Variants in XDH observed in about 807,000 individuals in gnomAD.
The protein encoded by XDH is xanthine dehydrogenase/oxidase.
Under a neutral mutation model 156.1 loss-of-function variants are expected in XDH, and 138 were observed. The observed-to-expected ratio is 0.88, with a 90% CI of 0.77 to 1.02. The LOEUF (loss-of-function observed/expected upper bound fraction) is 1.02. Among genes scored for constraint, XDH ranks in the 50% least tolerant of loss-of-function variants. The pLI is 0.00. For synonymous variants in XDH, 669 were observed against 625.7 expected (o/e 1.07, Z -1.03); for missense variants, 1,849 against 1,684.9 (o/e 1.10, Z -1.71).
chr2:31,346,886 G>T (rs1260206839), intron 29 of XDH, 43 bp from the exon 30 acceptor site: 3 of 1,612,422 alleles, frequency 1.9e-6, no homozygotes, highest in African/African-American at 1.3e-5. Context: ...TCAGTCCTCT[G>T]CATTCTGTAG....
chr2:31,339,672 T>C lies in XDH; in HGVS notation c.3591A>G (p.Glu1197=). 6.2e-7 allele frequency: 1 copy of C among 1,614,086 alleles called. No homozygotes were observed. The highest frequency in any genetic ancestry group is 8.5e-7 in the Non-Finnish European group (1 of 1,179,998). ...GGCCAAGGCCCTGGACAAATGCCCC[T>C]TCCACCTGCAGGATGGATGGAGAGC... The part of the protein sequence containing the change: ...LNPAIDIGQV[E]GAFVQGLGLF... The change falls in exon 34 of 36, where the codon GAA becomes GAG. Residue 1197 remains glutamate (E), a synonymous_variant. Coordinates refer to ENST00000379416, the MANE Select transcript of XDH (RefSeq NM_000379.4).
At chr2:31,414,589 G>A (rs568529805) in intron 1 of XDH, 36 bp downstream of exon 1, 46 of 1,613,790 alleles carry the variant, frequency 2.9e-5, no homozygotes, top group Non-Finnish European at 3.6e-5. Flanking sequence ...CTCCCAGGGA[G>A]AAGGGACACA....
rs1001452605 is a variant in XDH at position 31,345,323 on chromosome 2, G to A, written c.3352-587C>T. On this transcript the variant is annotated intron_variant, in intron 30 of 35. Coordinates refer to ENST00000379416, the MANE Select transcript of XDH (RefSeq NM_000379.4). ...CATTATAAAAGCAACACGCTATAGC[G>A]CTCATGTGGTACTTCACATGTTCAC... Among the ~76,000 whole-genome samples the A allele has an allele frequency of 5.3e-5, 8 of 152,062 alleles. No individual in the cohort carries two copies. The East Asian group carries it at 5.8e-4, about 11-fold the overall frequency.
chr2:31,347,782 T>C (rs1685342164), intron 28 of XDH, 132 bp from the exon 29 acceptor site: 2 of 1,237,940 alleles, frequency 1.6e-6, no homozygotes, highest in South Asian at 1.5e-5. Flanking sequence ...TCTCATTGTC[T>C]GGGATGTCCT....
intron 15 of XDH, among the ~76,000 whole-genome samples, chr2:31,374,858 T>C (rs1686183443): frequency 6.6e-6 from 1 of 151,390 alleles, no homozygotes; most frequent in Non-Finnish European, 1.5e-5. Flanking sequence ...TCTCAGGAGC[T>C]GGGCCCACCT....
At chr2:31,402,643 T>C (rs1033987236) in intron 3 of XDH, among the ~76,000 whole-genome samples, 15 of 152,116 alleles carry the variant, frequency 9.9e-5, no homozygotes, top group Non-Finnish European at 2.1e-4. Context: ...GCCTGTGTCA[T>C]TGGTATTTCA....
At chr2:31,369,089 G>A (rs755277776) in intron 18 of XDH, among the ~76,000 whole-genome samples, 9 of 152,108 alleles carry the variant, frequency 5.9e-5, no homozygotes, top group Non-Finnish European at 1.3e-4. Flanking sequence ...CTTAGGCCCT[G>A]ACCCCCAGTT....
intron 24 of XDH, among the ~76,000 whole-genome samples, chr2:31,361,954 T>A (rs1462421618): frequency 2.0e-5 from 3 of 152,192 alleles, no homozygotes; most frequent in African/African-American, 7.2e-5. Context: ...CTTGCAAATA[T>A]TCATGAAAGA....
intron 1 of XDH, among the ~76,000 whole-genome samples, chr2:31,408,706 C>A (rs922767528): frequency 6.6e-6 from 1 of 152,128 alleles, no homozygotes; most frequent in Non-Finnish European, 1.5e-5. Context: ...TTAGTACAGC[C>A]ACTATGGAGA....
At chr2:31,390,968 G>A (rs537751211) in intron 6 of XDH, among the ~76,000 whole-genome samples, 129 of 152,154 alleles carry the variant, frequency 8.5e-4, no homozygotes, top group African/African-American at 3.0e-3. Context: ...CTCATTCATC[G>A]TTATTAAATT....
At chr2:31,366,445 C>A (rs45570435) in intron 21 of XDH, among the ~76,000 whole-genome samples, 1 of 152,178 alleles carries the variant, frequency 6.6e-6, no homozygotes, top group African/African-American at 2.4e-5. Context: ...AGTAGAGAAA[C>A]AAAGAATATT....
At position 31,370,428 on chromosome 2, in the gene XDH, A is replaced by G; in HGVS notation, c.1907T>C (p.Ile636Thr). 1 of 1,614,228 alleles carries G rather than the reference A, an allele frequency of 6.2e-7. No individual in the cohort carries two copies. Among genetic ancestry groups the G allele is most frequent in the Non-Finnish European group, 8.5e-7 (1 of 1,180,032 alleles). ...AKKVPGFVCF[I>T]SADDVPGSNI... ...ACTCCCAGGAACATCATCAGCGGAA[A>G]TGAAACAAACAAACCCTGGAACCTT... The change falls in exon 18 of 36, where the codon ATT becomes ACT. Residue 636 changes from isoleucine to threonine, a missense_variant. By Grantham distance (89) the Ile-to-Thr change is moderately conservative (BLOSUM62 -1). Coordinates refer to ENST00000379416, the MANE Select transcript of XDH (RefSeq NM_000379.4).
At chr2:31,340,604 G>A (rs1202311781) in intron 33 of XDH, among the ~76,000 whole-genome samples, 1 of 151,954 alleles carries the variant, frequency 6.6e-6, no homozygotes, top group African/African-American at 2.4e-5. Context: ...TGAGTAGCTG[G>A]GATTACAGGT....
intron 2 of XDH, among the ~76,000 whole-genome samples, 161 bp downstream of exon 2, chr2:31,405,736 AATTTCAGATT>A (rs1431668239): frequency 1.3e-5 from 2 of 152,118 alleles, no homozygotes. Flanking sequence ...AGTAGCTGAG[AATTTCAGATT>A]ACAGGTGCAA....
intron 24 of XDH, among the ~76,000 whole-genome samples, chr2:31,360,665 G>GA (rs1257649851): frequency 6.6e-6 from 1 of 152,076 alleles, no homozygotes; most frequent in Non-Finnish European, 1.5e-5. Flanking sequence ...TTGTCAGATT[G>GA]AAAAAACATA....
chr2:31,335,892 G>T lies in XDH; in HGVS notation c.*66C>A. 6.5e-7 allele frequency: 1 copy of T among 1,536,702 alleles called. No individual in the cohort carries two copies. The highest frequency in any genetic ancestry group is 9.0e-7 in the Non-Finnish European group (1 of 1,109,564). On this transcript the variant is annotated 3_prime_UTR_variant, in exon 36 of 36. Transcript: ENST00000379416. ...GACTTTAATAGATCCATGTTCTGTG[G>T]TATGTTCCTCCTGCTCCATGGAAGC...
intron 24 of XDH, among the ~76,000 whole-genome samples, chr2:31,359,601 TGAAACTA>T (rs1685720127): frequency 6.6e-6 from 1 of 152,214 alleles, no homozygotes; most frequent in South Asian, 2.1e-4. Context: ...CTTAGAAGGC[TGAAACTA>T]GTAAAGCAGT....
chr2:31,402,971 A>G, intron 3 of XDH, 77 bp downstream of exon 3: 2 of 1,508,864 alleles, frequency 1.3e-6, no homozygotes, highest in South Asian at 1.1e-5. Flanking sequence ...ATACACACAT[A>G]CACTCATGCA....
chr2:31,349,031 A>C, intron 26 of XDH, 51 bp from the exon 27 acceptor site: 2 of 1,550,272 alleles, frequency 1.3e-6, no homozygotes, highest in Non-Finnish European at 1.8e-6. Flanking sequence ...TATTGAGGAC[A>C]TGAATATCTT....
Sources: gnomAD v4.1 joint callset for allele counts (sites outside exome capture counted in the v4.1 genomes callset) on GRCh38, gnomAD v4.1.1 for gene constraint, MANE v1.5 for transcripts, NCBI Gene and HGNC (gene_info 2026-07-23, HGNC 2026-07-21) for gene names.